Variants in CLDN18 observed in about 807,000 individuals in gnomAD.
CLDN18 encodes the protein claudin-18.
Under a neutral mutation model 25.0 loss-of-function variants are expected in CLDN18, and 20 were observed. The ratio of observed to expected loss-of-function variants is 0.80; its 90% CI spans 0.56 to 1.16. The LOEUF is 1.16. Among genes scored for constraint, CLDN18 ranks in the 50% most tolerant of loss-of-function variants. The pLI is 0.00. For missense variants in CLDN18, 297 were observed against 345.4 expected (o/e 0.86, Z 1.11); for synonymous variants, 125 against 135.6 (o/e 0.92, Z 0.54).
chr3:138,007,578 T>C (rs1441610315), upstream of CLDN18, among the ~76,000 whole-genome samples: 10 of 151,976 alleles, frequency 6.6e-5, no homozygotes, highest in Non-Finnish European at 1.2e-4. Flanking sequence ...ACCTAGATGA[T>C]GGGTCAATAG....
At chr3:138,030,600 C>T (rs1299399294) in intron 4 of CLDN18, among the ~76,000 whole-genome samples, 2 of 152,212 alleles carry the variant, frequency 1.3e-5, no homozygotes, top group East Asian at 3.8e-4. Flanking sequence ...TTCCCCTGGA[C>T]ATTGTTTCTG....
At position 138,031,016 on chromosome 3, in the gene CLDN18, A is replaced by G. The variant is rs754026762; in HGVS notation, c.661A>G (p.Lys221Glu). 1 of 1,614,148 alleles carries G rather than the reference A, an allele frequency of 6.2e-7. No homozygotes were observed. The highest frequency in any genetic ancestry group is 8.5e-7 in the Non-Finnish European group (1 of 1,180,006). Residue 221 changes from lysine (K) to glutamate (E), a missense_variant, in exon 5 of 5, where the codon AAG becomes GAG. Physicochemically the swap from Lys to Glu is moderately conservative, Grantham distance 56. Coordinates refer to ENST00000183605, the MANE Select transcript of CLDN18 (RefSeq NM_016369.4). ...TGCCTCAGGCCACAGTGTTGCCTAC[A>G]AGCCTGGAGGCTTCAAGGCCAGCAC... ...YHASGHSVAYKPGGFKASTGF... is the reference protein window; with the variant it reads ...YHASGHSVAYEPGGFKASTGF...
rs1252664246 is a variant in CLDN18, at chr3:138,032,986, C to T, written c.*1845C>T. ...GGTAAGAGCAGTCTCTAAAAACTAC[C>T]CACAGCAGCATTGGTGCAGGGGAAC... On this transcript the variant is annotated 3_prime_UTR_variant, in exon 5 of 5. Coordinates refer to ENST00000183605, the MANE Select transcript of CLDN18 (RefSeq NM_016369.4). The T allele has an allele frequency of 1.3e-5, 2 of 152,214 alleles. No homozygotes were observed. The highest frequency in any genetic ancestry group is 4.8e-5 in the African/African-American group (2 of 41,438). The allele number at this position is 152,214 out of a possible 1,614,324, so 9.4% of individuals were successfully genotyped here. A position where few individuals can be genotyped will look rare whatever the true frequency, so the allele number is the denominator to read the frequency against.
intron 1 of CLDN18, among the ~76,000 whole-genome samples, chr3:138,018,588 G>A (rs1226994678): frequency 2.6e-5 from 4 of 151,892 alleles, no homozygotes; most frequent in African/African-American, 9.7e-5. Flanking sequence ...CGCCCGCCTC[G>A]GCCTCCCAAA....
chr3:138,023,549 G>A, intron 1 of CLDN18, 109 bp from the exon 2 acceptor site: 2 of 1,031,372 alleles, frequency 1.9e-6, no homozygotes, highest in Non-Finnish European at 2.8e-6. Flanking sequence ...GTCTCTCAGA[G>A]GTTTGGTGCA....
At chr3:138,018,990 T>A (rs2107883933) in intron 1 of CLDN18, among the ~76,000 whole-genome samples, 1 of 152,300 alleles carries the variant, frequency 6.6e-6, no homozygotes, top group African/African-American at 2.4e-5. Flanking sequence ...TCAACCATAT[T>A]TTATCATTAT....
chr3:138,018,284 T>C (rs1680857066), intron 1 of CLDN18, among the ~76,000 whole-genome samples: 2 of 151,828 alleles, frequency 1.3e-5, no homozygotes, highest in African/African-American at 4.8e-5. Context: ...TGTGTCCTTA[T>C]ATGGCAGAAG....
intron 3 of CLDN18, among the ~76,000 whole-genome samples, chr3:138,026,021 ACTT>A (rs1396789906): frequency 6.6e-6 from 1 of 152,070 alleles, no homozygotes; most frequent in African/African-American, 2.4e-5. Flanking sequence ...GGCCTCCTGA[ACTT>A]CTCCCTCCAT....
Position 138,031,368 on chromosome 3 carries a change from T to A in CLDN18, c.*227T>A, listed in dbSNP as rs1942394272. 1 of 380,760 alleles carries A rather than the reference T, an allele frequency of 2.6e-6. No individual in the cohort carries two copies. Among genetic ancestry groups the A allele is most frequent in the African/African-American group, 2.1e-5 (1 of 48,428 alleles). The allele number at this position is 380,760 out of a possible 1,614,324, so 23.6% of individuals were successfully genotyped here. On this transcript the variant is annotated 3_prime_UTR_variant, in exon 5 of 5. Coordinates refer to ENST00000183605, the MANE Select transcript of CLDN18 (RefSeq NM_016369.4). ...TATGAATTAGAGGCTATAGCTCACA[T>A]TTTCAATCCTCTATTTCTTTTTTTA...
chr3:138,010,020 G>C (rs1307587685), upstream of CLDN18: 2 of 839,470 alleles, frequency 2.4e-6, no homozygotes, highest in African/African-American at 3.4e-5. Context: ...GTGCCTCTTG[G>C]GCCCGCTTCT....
In CLDN18 at chr3:138,023,774, G is replaced by A; in HGVS notation, c.337G>A (p.Ala113Thr). ...CCGCATTGGCAGCATGGAGGACTCT[G>A]CCAAAGCCAACATGACACTGACCTC... ...CIRIGSMEDS[A>T]KANMTLTSGI... Residue 113 changes from alanine (A) to threonine (T), a missense_variant, in exon 2 of 5, where the codon GCC becomes ACC. Transcript: ENST00000183605. The A allele has an allele frequency of 1.2e-6, 2 of 1,614,046 alleles. No homozygotes were observed. The highest frequency in any genetic ancestry group is 1.7e-6 in the Non-Finnish European group (2 of 1,179,970).
intron 3 of CLDN18, among the ~76,000 whole-genome samples, chr3:138,026,636 C>T (rs1334197944): frequency 6.6e-6 from 1 of 152,058 alleles, no homozygotes; most frequent in Non-Finnish European, 1.5e-5. Context: ...CAGAGCAAGA[C>T]TCCATCTCAA....
chr3:138,022,030 T>C (rs1001894990), intron 1 of CLDN18, among the ~76,000 whole-genome samples: 4 of 152,072 alleles, frequency 2.6e-5, no homozygotes, highest in African/African-American at 9.7e-5. Context: ...ATGTGGACCA[T>C]AGGAAAAGCT....
chr3:138,029,555 T>C (rs1942363204), intron 3 of CLDN18, among the ~76,000 whole-genome samples: 1 of 152,176 alleles, frequency 6.6e-6, no homozygotes, highest in African/African-American at 2.4e-5. Context: ...GATTTATAAT[T>C]TTATGGTTGA....
At chr3:138,020,854 C>T (rs1000597934) in intron 1 of CLDN18, among the ~76,000 whole-genome samples, 2 of 152,158 alleles carry the variant, frequency 1.3e-5, no homozygotes, top group Non-Finnish European at 2.9e-5. Context: ...TATACAGATC[C>T]TTGTACCTTG....
At chr3:138,029,185 G>T in intron 3 of CLDN18, among the ~76,000 whole-genome samples, 1 of 151,792 alleles carries the variant, frequency 6.6e-6, no homozygotes, top group East Asian at 1.9e-4. Flanking sequence ...TCGCTCTGTT[G>T]CCCAGGCTAG....
chr3:138,010,713 A>C (rs1372554681), intron 1 of CLDN18, among the ~76,000 whole-genome samples: 3 of 152,248 alleles, frequency 2.0e-5, no homozygotes, highest in Non-Finnish European at 2.9e-5. Flanking sequence ...GGGTATGTTC[A>C]TGATACCTGG....
chr3:138,007,292 C>G (rs1010302564), upstream of CLDN18, among the ~76,000 whole-genome samples: 5 of 152,132 alleles, frequency 3.3e-5, no homozygotes, highest in Admixed American at 1.3e-4. Flanking sequence ...GATGTGGAAC[C>G]AACCCAAATG....
chr3:138,010,619 C>G (rs1280513350), intron 1 of CLDN18, among the ~76,000 whole-genome samples, 174 bp downstream of exon 1: 1 of 152,154 alleles, frequency 6.6e-6, no homozygotes, highest in Non-Finnish European at 1.5e-5. Flanking sequence ...AACAGTCATG[C>G]AGGAGAAAAT....
Sources: allele counts gnomAD v4.1 joint callset (sites outside exome capture counted in the v4.1 genomes callset), GRCh38; gene constraint gnomAD v4.1.1; transcripts MANE v1.5; gene names NCBI Gene and HGNC (gene_info 2026-07-23, HGNC 2026-07-21).